Variants in JDP2 observed in about 807,000 individuals in gnomAD.
JDP2 encodes the protein progesterone receptor co-activator.
In JDP2, 9 loss-of-function variants were observed where a neutral mutation model predicts 17.1. The observed-to-expected ratio is 0.53, with a 90% CI of 0.32 to 0.92. The LOEUF is 0.92. JDP2 is among the 40% of genes least tolerant of loss of function. The pLI is 0.04. For synonymous variants in JDP2, 107 were observed against 95.6 expected, an observed-to-expected ratio of 1.12 and a Z score of -0.69; for missense variants, 179 against 220.0, an observed-to-expected ratio of 0.81 and a Z score of 1.18.
chr14:75,474,056 A>C lies in JDP2; in HGVS notation c.*4581A>C, dbSNP rs1231950180. ...CACAGATGTGGGCTATCTTCTCCAC[A>C]CTCCTCTGTATATTTGATATTCTTT... is the stretch of plus-strand genomic sequence containing the variant. On this transcript the variant is annotated 3_prime_UTR_variant, in exon 4 of 4. Transcript: ENST00000651602. The C allele has an allele frequency of 6.6e-6, 1 of 151,904 alleles. No individual in the cohort carries two copies. Among genetic ancestry groups the C allele is most frequent in the African/African-American group, 2.4e-5 (1 of 41,184 alleles). 9.4% of individuals were successfully genotyped at this position (151,904 alleles called of 1,614,324 possible). A position where few individuals can be genotyped will look rare whatever the true frequency, so the allele number is the denominator to read the frequency against.
rs1886866054 is a variant in JDP2, at chr14:75,474,052, C to T, written c.*4577C>T. ...TGTGCACAGATGTGGGCTATCTTCT[C>T]CACACTCCTCTGTATATTTGATATT... is the stretch of plus-strand genomic sequence containing the variant. On this transcript the variant is annotated 3_prime_UTR_variant, in exon 4 of 4. Transcript: ENST00000651602. 6.6e-6 allele frequency: 1 copy of T among 151,944 alleles called. No homozygotes were observed. The highest frequency in any genetic ancestry group is 2.1e-4 in the South Asian group (1 of 4,828). 9.4% of individuals were successfully genotyped at this position (151,944 alleles called of 1,614,324 possible).
At chr14:75,432,618 C>T (rs745773952) in intron 1 of JDP2, among the ~76,000 whole-genome samples, 16 of 152,242 alleles carry the variant, frequency 1.1e-4, no homozygotes, top group Non-Finnish European at 1.8e-4. Context: ...ACCGCACCCA[C>T]GTGCACACCC....
chr14:75,432,445 A>G, intron 1 of JDP2: 2 of 1,058,836 alleles, frequency 1.9e-6, no homozygotes, highest in South Asian at 2.8e-5. Flanking sequence ...CTGGCTCCCA[A>G]GGTCCCCCAC....
At chr14:75,442,389 C>T (rs75231187) in intron 2 of JDP2, among the ~76,000 whole-genome samples, 59 of 152,262 alleles carry the variant, frequency 3.9e-4, no homozygotes, top group African/African-American at 1.4e-3. Flanking sequence ...CTTGAGTTCA[C>T]CGCATTCCCC....
rs79098128 is a variant in JDP2, at chr14:75,450,466, A to G, written c.202-10960A>G. ...CTGCAGATGCTGTGCACACAGGGCA[A>G]TGGCTTATCCACCCGTGCCCCCAGC... On this transcript the variant is annotated intron_variant, in intron 2 of 3. Transcript: ENST00000651602. Among the ~76,000 whole-genome samples the G allele has an allele frequency of 9.7e-3, 1,474 of 152,294 alleles. 22 individuals carry two copies. Among genetic ancestry groups the G allele is most frequent in the East Asian group, 0.037 (192 of 5,182 alleles).
At chr14:75,450,292 C>T (rs959758298) in intron 2 of JDP2, among the ~76,000 whole-genome samples, 3 of 152,234 alleles carry the variant, frequency 2.0e-5, no homozygotes, top group Non-Finnish European at 2.9e-5. Context: ...TGTCACTGTC[C>T]GACCCAGGAC....
rs1886856578 is a variant in JDP2 at position 75,473,685 on chromosome 14, A to G, written c.*4210A>G. The G allele has an allele frequency of 6.6e-6, 1 of 152,270 alleles. No individual in the cohort carries two copies. The highest frequency in any genetic ancestry group is 2.1e-4 in the South Asian group (1 of 4,834). The allele number at this position is 152,270 out of a possible 1,614,324, so 9.4% of individuals were successfully genotyped here. A position where few individuals can be genotyped will look rare whatever the true frequency, so the allele number is the denominator to read the frequency against. On this transcript the variant is annotated 3_prime_UTR_variant, in exon 4 of 4. Transcript: ENST00000651602. The stretch of plus-strand genomic sequence containing the variant: ...ATATGTATCAATATGGATAAATCTC[A>G]GAAACCTACTGTTGAGATGGAGGGT...
chr14:75,437,848 T>C, intron 1 of JDP2, 50 bp from the exon 2 acceptor site: 1 of 1,367,194 alleles, frequency 7.3e-7, no homozygotes, highest in East Asian at 2.5e-5. Flanking sequence ...TGAGCCCTCC[T>C]GGAGCCCCCA....
chr14:75,451,687 G>A (rs1039799457), intron 2 of JDP2, among the ~76,000 whole-genome samples: 21 of 152,198 alleles, frequency 1.4e-4, no homozygotes, highest in Non-Finnish European at 2.4e-4. Flanking sequence ...GTGCAGGGGA[G>A]TGGGTCCAGG....
intron 1 of JDP2, chr14:75,432,099 C>CG: frequency 1.7e-6 from 1 of 580,460 alleles, no homozygotes; most frequent in Non-Finnish European, 3.1e-6. Flanking sequence ...CTTAACCCCC[C>CG]CTTCCTCTTG....
At chr14:75,437,613 T>C (rs1304004701) in intron 1 of JDP2, among the ~76,000 whole-genome samples, 2 of 152,234 alleles carry the variant, frequency 1.3e-5, no homozygotes, top group Non-Finnish European at 2.9e-5. Flanking sequence ...GCCTGGCACA[T>C]ACCAAAGGCT....
chr14:75,432,418 G>T (rs1466879843), intron 1 of JDP2: 7 of 1,364,188 alleles, frequency 5.1e-6, no homozygotes, highest in Non-Finnish European at 6.1e-6. Context: ...GTTCTGTCCT[G>T]GGAATCTTCC....
At chr14:75,458,198 A>G (rs1170789570) in intron 2 of JDP2, among the ~76,000 whole-genome samples, 1 of 152,186 alleles carries the variant, frequency 6.6e-6, no homozygotes, top group Non-Finnish European at 1.5e-5. Flanking sequence ...GTTCAGGGGT[A>G]TGTGTGCAGA....
At chr14:75,462,037 C>T (rs1886368618) in intron 3 of JDP2, among the ~76,000 whole-genome samples, 1 of 152,236 alleles carries the variant, frequency 6.6e-6, no homozygotes, top group Non-Finnish European at 1.5e-5. Context: ...CCCTCAGCTC[C>T]ACTGAAGGTG....
intron 3 of JDP2, among the ~76,000 whole-genome samples, chr14:75,464,458 T>C (rs565246705): frequency 6.6e-6 from 1 of 152,330 alleles, no homozygotes; most frequent in African/African-American, 2.4e-5. Context: ...AGCAGCTATT[T>C]ACATAGCATT....
rs780611579 is a variant in JDP2 at position 75,469,404 on chromosome 14, G to A, written c.421G>A (p.Val141Ile). The A allele has an allele frequency of 7.4e-6, 12 of 1,614,108 alleles. No individual in the cohort carries two copies. The highest frequency in any genetic ancestry group is 9.3e-6 in the Non-Finnish European group (11 of 1,180,026). Residue 141 changes from valine to isoleucine, a missense_variant, in exon 4 of 4, where the codon GTC becomes ATC. By Grantham distance (29) the Val-to-Ile change is conservative. Coordinates refer to ENST00000651602, the MANE Select transcript of JDP2 (RefSeq NM_001135048.2). ...MLNRHRPTCIVRTDSVKTPES... is the reference protein window; with the variant it reads ...MLNRHRPTCIIRTDSVKTPES... Reference sequence around the variant, plus strand: ...GAACCGACACCGCCCCACCTGCATCGTCCGGACCGACAGTGTCAAGACCCC... The same window carrying A: ...GAACCGACACCGCCCCACCTGCATCATCCGGACCGACAGTGTCAAGACCCC...
chr14:75,457,060 G>A (rs541022495), intron 2 of JDP2, among the ~76,000 whole-genome samples: 1 of 152,358 alleles, frequency 6.6e-6, no homozygotes, highest in East Asian at 1.9e-4. Flanking sequence ...ACAGGGAAAA[G>A]CATGCTCCCC....
intron 2 of JDP2, among the ~76,000 whole-genome samples, chr14:75,441,948 G>A (rs1239411463): frequency 2.6e-5 from 4 of 151,962 alleles, no homozygotes; most frequent in Non-Finnish European, 5.9e-5. Context: ...AGGGGAGGGA[G>A]GCCTGAAGCC....
At chr14:75,435,426 C>G (rs1885020851) in intron 1 of JDP2, among the ~76,000 whole-genome samples, 1 of 152,154 alleles carries the variant, frequency 6.6e-6, no homozygotes, top group Non-Finnish European at 1.5e-5. Context: ...GGTGGAGGGT[C>G]CTCTGTGCAA....
Sources: allele counts gnomAD v4.1 joint callset (sites outside exome capture counted in the v4.1 genomes callset), GRCh38; gene constraint gnomAD v4.1.1; transcripts MANE v1.5; gene names NCBI Gene and HGNC (gene_info 2026-07-23, HGNC 2026-07-21).